The following HDAC7 variants were observed in gnomAD, a reference collection of about 807,000 sequenced individuals.
HDAC7 encodes the protein histone deacetylase 7.
Under a neutral mutation model 115.5 loss-of-function variants are expected in HDAC7, and 26 were observed. The observed-to-expected ratio is 0.23, with a 90% confidence interval of 0.16 to 0.31. HDAC7 has a LOEUF of 0.31. HDAC7 is among the 10% of genes least tolerant of loss of function. The probability of loss-of-function intolerance (pLI) is 1.00; values close to 1 mark genes in which losing one functional copy is unlikely to be tolerated. For missense variants in HDAC7, 1,068 were observed against 1,329.0 expected, an observed-to-expected ratio of 0.80 and a Z score of 3.05; for synonymous variants, 564 against 550.9, an observed-to-expected ratio of 1.02 and a Z score of -0.33.
chr12:47,809,286 C>T (rs1312813184), intron 1 of HDAC7, among the ~76,000 whole-genome samples: 2 of 152,152 alleles, frequency 1.3e-5, no homozygotes, highest in Non-Finnish European at 2.9e-5. Context: ...CCTCTGTGTA[C>T]CCTACTCCTG....
At position 47,791,692 on chromosome 12, in the gene HDAC7, C is replaced by T. The variant is rs1943527434; in HGVS notation, c.1827G>A (p.Arg609=). 2.5e-6 allele frequency: 4 copies of T among 1,613,696 alleles called. No individual in the cohort carries two copies. The highest frequency in any genetic ancestry group is 3.4e-6 in the Non-Finnish European group (4 of 1,179,942). Residue 609 remains arginine (R), a synonymous_variant, in exon 15 of 26, where the codon CGG becomes CGA. Transcript: ENST00000080059. The part of the protein sequence containing the change: ...LRSQCECLRG[R]KASLEELQSV... ...ACTGCAGCTCTTCCAGGGAGGCCTTCCGGCCTCGGAGACACTGAAAAGGGG... is the reference window on the plus strand; with the variant it reads ...ACTGCAGCTCTTCCAGGGAGGCCTTTCGGCCTCGGAGACACTGAAAAGGGG...
intron 25 of HDAC7, 59 bp downstream of exon 25, chr12:47,784,020 G>T: frequency 6.2e-7 from 1 of 1,604,490 alleles, no homozygotes; most frequent in African/African-American, 1.3e-5. Context: ...GGGTCTTCAA[G>T]CAGGGAGGAA....
At chr12:47,806,916 ATGCCCC>A (rs1944430814) in intron 1 of HDAC7, among the ~76,000 whole-genome samples, 2 of 150,276 alleles carry the variant, frequency 1.3e-5, no homozygotes, top group African/African-American at 4.9e-5. Flanking sequence ...TCCTGAATGC[ATGCCCC>A]TGCCCCATCT....
At chr12:47,802,295 T>C in intron 1 of HDAC7, 21 bp from the exon 2 acceptor site, 1 of 1,611,102 alleles carries the variant, frequency 6.2e-7, no homozygotes, top group Non-Finnish European at 8.5e-7. Flanking sequence ...AGAGACGGAG[T>C]GAAAGAGCTG....
chr12:47,790,992 C>T, intron 16 of HDAC7: 1 of 560,866 alleles, frequency 1.8e-6, no homozygotes, highest in Non-Finnish European at 3.2e-6. Flanking sequence ...CTTGGCCCTG[C>T]TCCTGAAACC....
intron 15 of HDAC7, 40 bp from the exon 16 acceptor site, chr12:47,791,348 T>C (rs1233853240): frequency 3.3e-6 from 5 of 1,531,076 alleles, no homozygotes; most frequent in Non-Finnish European, 4.4e-6. Context: ...GTGAATACTC[T>C]CAGCCTTTGG....
At chr12:47,810,850 C>T (rs1209542889) in intron 1 of HDAC7, among the ~76,000 whole-genome samples, 1 of 139,786 alleles carries the variant, frequency 7.2e-6, no homozygotes, top group Non-Finnish European at 1.6e-5. Context: ...CTCTCTCTAT[C>T]TCTATCTCTG....
In HDAC7 at chr12:47,796,121, A is replaced by G. The variant is rs992755080; in HGVS notation, c.795+86T>C. The stretch of plus-strand genomic sequence containing the variant: ...CTGGCAGGGGCTGCCCAGACCCTGC[A>G]GCCCCAGCCCAGGTAGGGCCGCCTG... On this transcript the variant is annotated intron_variant, in intron 8 of 25. Coordinates refer to ENST00000080059, the MANE Select transcript of HDAC7 (RefSeq NM_015401.5). The G allele has an allele frequency of 4.6e-6, 7 of 1,515,610 alleles. No individual in the cohort carries two copies. In the African/African-American group the frequency reaches 9.6e-5, roughly 21 times the overall value. 93.9% of individuals were successfully genotyped at this position (1,515,610 alleles called of 1,614,324 possible).
At chr12:47,788,344 C>T in intron 19 of HDAC7, 180 bp from the exon 20 acceptor site, 2 of 625,420 alleles carry the variant, frequency 3.2e-6, no homozygotes, top group Non-Finnish European at 5.1e-6. Context: ...CGGCTCTGAA[C>T]CTCGGCCTCT....
At position 47,794,821 on chromosome 12, in the gene HDAC7, C is replaced by T. The variant is rs1943718034; in HGVS notation, c.1397G>A (p.Arg466Lys). 1 of 1,613,196 alleles carries T rather than the reference C, an allele frequency of 6.2e-7. No homozygotes were observed. The highest frequency in any genetic ancestry group is 8.5e-7 in the Non-Finnish European group (1 of 1,179,916). The change falls in exon 12 of 26, where the codon AGG becomes AAG. Residue 466 changes from arginine to lysine, a missense_variant. Physicochemically the swap from Arg to Lys is conservative, Grantham distance 26. This residue lies in a region of HDAC7 where 618 missense variants were observed against 701.5 expected (regional missense o/e 0.88). Transcript: ENST00000080059. ...CTCAGGCTGCCCATGGCCCAGCTCC[C>T]TGTGCTCCAGGCCATCGTCCACCAC... ...GQVVDDGLEH[R>K]ELGHGQPEAR...
chr12:47,795,566 C>G lies in HDAC7; in HGVS notation c.1087+21G>C. On this transcript the variant is annotated intron_variant, in intron 10 of 25. Transcript: ENST00000080059. The surrounding 1 kb of genome is among the most constrained non-coding windows in gnomAD (Gnocchi z 4.3). ...AGGGTGCAGGGACCCAGCCCCTTCC[C>G]TGAAGAAGCAGCAGACTCACCAGTC... The G allele has an allele frequency of 6.4e-7, 1 of 1,552,442 alleles. No individual in the cohort carries two copies. Among genetic ancestry groups the G allele is most frequent in the African/African-American group, 1.4e-5 (1 of 73,296 alleles).
Position 47,794,768 on chromosome 12 carries a change from G to A in HDAC7, c.1450C>T (p.His484Tyr). The A allele has an allele frequency of 6.3e-7, 1 of 1,599,102 alleles. No individual in the cohort carries two copies. Among genetic ancestry groups the A allele is most frequent in the African/African-American group, 1.3e-5 (1 of 74,412 alleles). The change falls in exon 12 of 26, where the codon CAC becomes TAC. Residue 484 changes from histidine to tyrosine, a missense_variant. By Grantham distance (83) the His-to-Tyr change is moderately conservative. This residue lies in a region of HDAC7 where 618 missense variants were observed against 701.5 expected (regional missense o/e 0.88). Coordinates refer to ENST00000080059, the MANE Select transcript of HDAC7 (RefSeq NM_015401.5). ...EARGPAPLQQ[H>Y]PQVLLWEQQR... ...GGTGGGGACTGCCATACCTGAGGGT[G>A]CTGCTGGAGAGGAGCGGGGCCTCTG...
intron 1 of HDAC7, among the ~76,000 whole-genome samples, chr12:47,812,674 A>G (rs1174779132): frequency 6.6e-6 from 1 of 152,040 alleles, no homozygotes; most frequent in Non-Finnish European, 1.5e-5. Context: ...TGCCATATAT[A>G]CAGTAGGGTC....
intron 22 of HDAC7, 119 bp downstream of exon 22, chr12:47,786,466 G>T: frequency 1.4e-6 from 1 of 709,826 alleles, no homozygotes; most frequent in East Asian, 2.6e-5. Flanking sequence ...CCAGTCCTCA[G>T]GCTGAAAGCC....
At chr12:47,791,186 G>A in intron 16 of HDAC7, 73 bp downstream of exon 16, 2 of 1,373,608 alleles carry the variant, frequency 1.5e-6, no homozygotes, top group South Asian at 2.5e-5. Context: ...GCAGGGGCTG[G>A]GCCTGGGAGA....
rs972523986 is a variant in HDAC7, at chr12:47,797,452, C to A, written c.509G>T (p.Ser170Ile). ...ETEGATRSML[S>I]SFLPPVPSLP... ...GCTGGGAACAGGAGGCAAAAAGCTG[C>A]TGAGCATGGAGCGGGTGGCTCCTTC... is the stretch of plus-strand genomic sequence containing the variant. The change falls in exon 6 of 26, where the codon AGC becomes ATC. Residue 170 changes from serine to isoleucine, a missense_variant. Physicochemically the swap from Ser to Ile is moderately radical, Grantham distance 142. This residue lies in a region of HDAC7 where 618 missense variants were observed against 701.5 expected (regional missense o/e 0.88). Transcript: ENST00000080059. This position sits in a 1 kb window ranked among gnomAD's most constrained non-coding sequence, Gnocchi z 5.5. 1.9e-6 allele frequency: 3 copies of A among 1,614,012 alleles called. No individual in the cohort carries two copies. The African/African-American group carries it at 4.0e-5, about 22-fold the overall frequency.
chr12:47,811,205 C>T (rs989343281), intron 1 of HDAC7, among the ~76,000 whole-genome samples: 1 of 152,224 alleles, frequency 6.6e-6, no homozygotes, highest in Non-Finnish European at 1.5e-5. Flanking sequence ...TTGCCTATTA[C>T]TTTGGAAGAC....
chr12:47,810,321 C>T (rs565817294), intron 1 of HDAC7, among the ~76,000 whole-genome samples: 1 of 152,322 alleles, frequency 6.6e-6, no homozygotes, highest in South Asian at 2.1e-4. Flanking sequence ...GCTGAGGTCA[C>T]ACAGATGGTA....
chr12:47,798,547 T>C lies in HDAC7; in HGVS notation c.349+15A>G. 1 of 1,611,232 alleles carries C rather than the reference T, an allele frequency of 6.2e-7. No homozygotes were observed. Among genetic ancestry groups the C allele is most frequent in the Non-Finnish European group, 8.5e-7 (1 of 1,178,814 alleles). On this transcript the variant is annotated intron_variant, in intron 4 of 25. Transcript: ENST00000080059. The surrounding 1 kb of genome is among the most constrained non-coding windows in gnomAD (Gnocchi z 4.3). ...CTGGTGGGGCTGGGCTGGGCTGGGG[T>C]GGCCACCTCCTTACTTCGCTTGCTC...
Sources: gnomAD v4.1 joint callset for allele counts (sites outside exome capture counted in the v4.1 genomes callset) on GRCh38, gnomAD v4.1.1 for gene constraint, gnomAD v4.1.1 regional missense constraint, Gnocchi (gnomAD v3.1) non-coding constraint, MANE v1.5 for transcripts, NCBI Gene and HGNC (gene_info 2026-07-23, HGNC 2026-07-21) for gene names.